Variants in BOD1L1 observed in about 807,000 individuals in gnomAD.
The protein encoded by BOD1L1 is biorientation of chromosomes in cell division 1 like 1, also known as biorientation of chromosomes in cell division protein 1-like 1.
In BOD1L1, 86 loss-of-function variants were observed where a neutral mutation model predicts 240.7. The observed-to-expected ratio is 0.36, with a 90% CI of 0.30 to 0.43. BOD1L1 has a LOEUF of 0.43. Ranked by LOEUF, BOD1L1 falls within the 20% of genes least tolerant of loss-of-function variation. The probability of loss-of-function intolerance (pLI) is 1.00; values close to 1 mark genes in which losing one functional copy is unlikely to be tolerated. For missense variants in BOD1L1, 3,554 were observed against 3,643.5 expected (o/e 0.98, Z 0.63); for synonymous variants, 1,268 against 1,272.3 (o/e 1.00, Z 0.07).
At position 13,576,608 on chromosome 4, in the gene BOD1L1, T is replaced by C. The variant is rs144122664; in HGVS notation, c.9038+230A>G. ...AAGGAATTGAATGGGTTCCACCAAA[T>C]AGGCATTTAAAACCTGGTAAAGACT... On this transcript the variant is annotated intron_variant, in intron 25 of 25. Transcript: ENST00000040738. Among the ~76,000 whole-genome samples the C allele has an allele frequency of 5.6e-3, 857 of 152,018 alleles. 7 individuals are homozygous for C. The highest frequency in any genetic ancestry group is 0.023 in the South Asian group (113 of 4,830).
chr4:13,621,141 C>T (rs1717007377), intron 1 of BOD1L1, among the ~76,000 whole-genome samples: 1 of 152,190 alleles, frequency 6.6e-6, no homozygotes, highest in Admixed American at 6.5e-5. Context: ...ACACATATTA[C>T]ATCATCTCTA....
intron 11 of BOD1L1, among the ~76,000 whole-genome samples, chr4:13,596,347 C>T (rs1714620373): frequency 6.6e-6 from 1 of 151,986 alleles, no homozygotes; most frequent in Non-Finnish European, 1.5e-5. Flanking sequence ...TTGGAAGGCT[C>T]TTTTCTTTCT....
chr4:13,602,189 T>C lies in BOD1L1; in HGVS notation c.4711A>G (p.Asn1571Asp). Residue 1571 changes from asparagine to aspartate, a missense_variant, in exon 10 of 26, where the codon AAT becomes GAT. Physicochemically the swap from Asn to Asp is conservative, Grantham distance 23. Transcript: ENST00000040738. ...TCTGCACCAACATGAAGAGGATTAT[T>C]TCTGGAATGTGTTCCTATTATGAGG... ...EGLIIGTHSR[N>D]NPLHVGAEAS... 1 of 1,613,798 alleles carries C rather than the reference T, an allele frequency of 6.2e-7. No homozygotes were observed. The highest frequency in any genetic ancestry group is 8.5e-7 in the Non-Finnish European group (1 of 1,179,760).
chr4:13,594,852 G>A (rs1269241649), intron 12 of BOD1L1, among the ~76,000 whole-genome samples: 4 of 152,136 alleles, frequency 2.6e-5, no homozygotes, highest in East Asian at 1.9e-4. Flanking sequence ...CCGAGATCAC[G>A]CCACTGTACT....
At chr4:13,616,969 G>A (rs1323301494) in intron 2 of BOD1L1, among the ~76,000 whole-genome samples, 1 of 152,124 alleles carries the variant, frequency 6.6e-6, no homozygotes, top group Non-Finnish European at 1.5e-5. Context: ...AAAAAGGACC[G>A]GGCATGGTGG....
At chr4:13,615,631 T>C (rs1229871638) in intron 2 of BOD1L1, 129 bp from the exon 3 acceptor site, 1 of 858,818 alleles carries the variant, frequency 1.2e-6, no homozygotes, top group African/African-American at 1.7e-5. Context: ...TCCCAATCCA[T>C]TTACTTGGAT....
At chr4:13,626,890 C>T (rs1021735981) in intron 1 of BOD1L1, among the ~76,000 whole-genome samples, 4 of 152,184 alleles carry the variant, frequency 2.6e-5, no homozygotes, top group African/African-American at 9.7e-5. Context: ...TGCGCTCCCA[C>T]CCCCACGATG....
chr4:13,594,955 T>C (rs1336901902), intron 12 of BOD1L1, among the ~76,000 whole-genome samples: 2 of 152,206 alleles, frequency 1.3e-5, no homozygotes, highest in African/African-American at 4.8e-5. Context: ...CTATCTGTAA[T>C]GTTGGATTTT....
intron 25 of BOD1L1, among the ~76,000 whole-genome samples, chr4:13,571,690 C>T (rs1712216469): frequency 6.6e-6 from 1 of 152,170 alleles, no homozygotes; most frequent in South Asian, 2.1e-4. Context: ...TTGGAAATGC[C>T]AACTCTCAGG....
Position 13,569,182 on chromosome 4 carries a change from G to C in BOD1L1, c.*829C>G, listed in dbSNP as rs988314093. 1.3e-5 allele frequency: 2 copies of C among 152,158 alleles called. No individual in the cohort carries two copies. The highest frequency in any genetic ancestry group is 2.9e-5 in the Non-Finnish European group (2 of 68,026). The allele number at this position is 152,158 out of a possible 1,614,324, so 9.4% of individuals were successfully genotyped here. On this transcript the variant is annotated 3_prime_UTR_variant, in exon 26 of 26. Coordinates refer to ENST00000040738, the MANE Select transcript of BOD1L1 (RefSeq NM_148894.3). Reference sequence around the variant, plus strand: ...GGAAAGAGTATTGGTAGAAGCTTCAGAACAGCACAGAAGAGGAATGAACAC... The same window carrying C: ...GGAAAGAGTATTGGTAGAAGCTTCACAACAGCACAGAAGAGGAATGAACAC...
intron 13 of BOD1L1, 149 bp downstream of exon 13, chr4:13,591,774 C>A (rs1714239198): frequency 3.7e-6 from 2 of 542,890 alleles, no homozygotes; most frequent in Non-Finnish European, 6.5e-6. Context: ...ATGCTGAACT[C>A]AAATGAAGAG....
chr4:13,577,531 A>G, intron 23 of BOD1L1, 44 bp from the exon 24 acceptor site: 1 of 1,599,246 alleles, frequency 6.3e-7, no homozygotes, highest in South Asian at 1.1e-5. Context: ...TCAGCTGAGC[A>G]TTTAAGTTGA....
At chr4:13,587,872 A>C in intron 15 of BOD1L1, 101 bp from the exon 16 acceptor site, 1 of 774,940 alleles carries the variant, frequency 1.3e-6, no homozygotes, top group Admixed American at 2.9e-5. Flanking sequence ...GAATAAGTTG[A>C]TATATAAATT....
chr4:13,599,059 G>C lies in BOD1L1; in HGVS notation c.7841C>G (p.Thr2614Ser). ...TGTTTTCTCAGCAGATGCTTGATCAGTCCATTTGCCACTATAATCATTCTT... is the reference window on the plus strand; with the variant it reads ...TGTTTTCTCAGCAGATGCTTGATCACTCCATTTGCCACTATAATCATTCTT... ...TIKNDYSGKW[T>S]DQASAEKTGD... The change falls in exon 10 of 26, where the codon ACT becomes AGT. Residue 2614 changes from threonine to serine, a missense_variant. Thr to Ser is a moderately conservative substitution (Grantham distance 58). Coordinates refer to ENST00000040738, the MANE Select transcript of BOD1L1 (RefSeq NM_148894.3). The C allele has an allele frequency of 1.2e-6, 2 of 1,613,998 alleles. No homozygotes were observed.
In BOD1L1 at chr4:13,604,973, C is replaced by T. The variant is rs777159667; in HGVS notation, c.1927G>A (p.Glu643Lys). ...RLSESLHVVD[E>K]NKNESKLERE... ...TCTAATTTGGATTCATTTTTGTTTT[C>T]GTCAACTACATGCAAAGACTCTGAA... is the stretch of plus-strand genomic sequence containing the variant. Residue 643 changes from glutamate to lysine, a missense_variant, in exon 10 of 26, where the codon GAA becomes AAA. Transcript: ENST00000040738. 15 of 1,613,342 alleles carry T rather than the reference C, an allele frequency of 9.3e-6. No individual in the cohort carries two copies. In the Admixed American group the frequency reaches 1.7e-4, roughly 18 times the overall value.
chr4:13,604,740 C>G lies in BOD1L1; in HGVS notation c.2160G>C (p.Glu720Asp). The change falls in exon 10 of 26, where the codon GAG becomes GAC. Residue 720 changes from glutamate to aspartate, a missense_variant. By Grantham distance (45) the Glu-to-Asp change is conservative. Transcript: ENST00000040738. ...CAGGCTTCTCCTTGGAGGATTTCACCTCTTTCTTAAGTAGGCTTTTCAAAT... is the reference window on the plus strand; with the variant it reads ...CAGGCTTCTCCTTGGAGGATTTCACGTCTTTCTTAAGTAGGCTTTTCAAAT... ...TPHLKSLLKK[E>D]VKSSKEKPER... The G allele has an allele frequency of 6.2e-7, 1 of 1,611,702 alleles. No individual in the cohort carries two copies. The highest frequency in any genetic ancestry group is 8.5e-7 in the Non-Finnish European group (1 of 1,179,462).
Position 13,604,370 on chromosome 4 carries a change from T to G in BOD1L1, c.2530A>C (p.Arg844=). Residue 844 remains arginine, a synonymous_variant, in exon 10 of 26, where the codon AGG becomes CGG. Coordinates refer to ENST00000040738, the MANE Select transcript of BOD1L1 (RefSeq NM_148894.3). ...EKTKAEHKSR[R]SSDSKIQKDS... is the part of the protein sequence containing the mutation. ...TTCTGAATTTTAGAATCACTTGACC[T>G]TCTTGATTTGTGCTCTGCCTTAGTT... 1.9e-6 allele frequency: 3 copies of G among 1,581,598 alleles called. No individual in the cohort carries two copies. The highest frequency in any genetic ancestry group is 2.6e-6 in the Non-Finnish European group (3 of 1,171,000).
At chr4:13,573,804 G>A (rs11728124) in intron 25 of BOD1L1, among the ~76,000 whole-genome samples, 16,759 of 152,092 alleles carry the variant, frequency 0.11, 1,143 homozygotes, top group Non-Finnish European at 0.16. Context: ...GATTACAGGC[G>A]TGAGCCACTG....
chr4:13,617,454 T>G (rs568454455), intron 2 of BOD1L1, among the ~76,000 whole-genome samples: 23 of 152,242 alleles, frequency 1.5e-4, no homozygotes, highest in African/African-American at 5.3e-4. Context: ...CCAATGATCA[T>G]ACTGCACTTA....
Sources: gnomAD v4.1 joint callset for allele counts (sites outside exome capture counted in the v4.1 genomes callset) on GRCh38, gnomAD v4.1.1 for gene constraint, MANE v1.5 for transcripts, NCBI Gene and HGNC (gene_info 2026-07-23, HGNC 2026-07-21) for gene names.